The following SRSF12 variants were observed in gnomAD, a reference collection of about 807,000 sequenced individuals.
SRSF12 encodes serine and arginine rich splicing factor 12.
A neutral mutation model predicts 34.1 loss-of-function variants in SRSF12; 21 were observed. The observed-to-expected ratio is 0.62, with a 90% CI of 0.44 to 0.89. The LOEUF (loss-of-function observed/expected upper bound fraction) is 0.89, where lower values mean the gene tolerates loss of function less well. Ranked by LOEUF, SRSF12 falls within the 40% of genes least tolerant of loss-of-function variation. The probability of loss-of-function intolerance (pLI) is 0.00; values close to 1 mark genes in which losing one functional copy is unlikely to be tolerated. For synonymous variants in SRSF12, 111 were observed against 110.8 expected (o/e 1.00, Z -0.01); for missense variants, 278 against 327.8 (o/e 0.85, Z 1.17).
At chr6:89,110,258 A>C (rs979252289) in intron 1 of SRSF12, among the ~76,000 whole-genome samples, 3 of 152,200 alleles carry the variant, frequency 2.0e-5, no homozygotes, top group African/African-American at 7.2e-5. Context: ...AGCAATGAAA[A>C]AATGAAGCAA....
rs1168205798 is a variant in SRSF12 at position 89,097,741 on chromosome 6, A to C, written c.*837T>G. 1 of 152,244 alleles carries C rather than the reference A, an allele frequency of 6.6e-6. No homozygotes were observed. Among genetic ancestry groups the C allele is most frequent in the Non-Finnish European group, 1.5e-5 (1 of 68,038 alleles). The allele number at this position is 152,244 out of a possible 1,614,324, so 9.4% of individuals were successfully genotyped here. ...GTTGAGCAAGAACTCTAAAAAGAAAAAATTAAGCAACAGATGAAAAGTAGG... is the reference window on the plus strand; with the variant it reads ...GTTGAGCAAGAACTCTAAAAAGAAACAATTAAGCAACAGATGAAAAGTAGG... On this transcript the variant is annotated 3_prime_UTR_variant, in exon 5 of 5. Transcript: ENST00000452027.
At chr6:89,102,710 A>C (rs2127991275) in intron 4 of SRSF12, among the ~76,000 whole-genome samples, 1 of 152,302 alleles carries the variant, frequency 6.6e-6, no homozygotes, top group South Asian at 2.1e-4. Context: ...ATATAAAGTT[A>C]ACAAAGATTT....
chr6:89,100,885 A>C (rs1437443339), intron 4 of SRSF12, among the ~76,000 whole-genome samples: 1 of 152,154 alleles, frequency 6.6e-6, no homozygotes, highest in African/African-American at 2.4e-5. Flanking sequence ...CGAGTGGATC[A>C]CCTGAGGTCA....
chr6:89,111,579 T>C (rs1025967155), intron 1 of SRSF12, among the ~76,000 whole-genome samples: 2 of 152,202 alleles, frequency 1.3e-5, no homozygotes, highest in African/African-American at 4.8e-5. Flanking sequence ...TGTAAGCAAA[T>C]ATGTCACCTA....
At chr6:89,099,787 G>C (rs752946975) in intron 4 of SRSF12, among the ~76,000 whole-genome samples, 1 of 151,846 alleles carries the variant, frequency 6.6e-6, no homozygotes, top group African/African-American at 2.4e-5. Flanking sequence ...CCCCTGCCTC[G>C]GCCTCCTAAA....
intron 1 of SRSF12, among the ~76,000 whole-genome samples, chr6:89,109,039 A>G (rs1768922713): frequency 6.6e-6 from 1 of 152,124 alleles, no homozygotes; most frequent in Non-Finnish European, 1.5e-5. Flanking sequence ...ATACTTATTG[A>G]GCACCTACCA....
chr6:89,117,287 T>C (rs1198522578), intron 1 of SRSF12, among the ~76,000 whole-genome samples: 1 of 152,180 alleles, frequency 6.6e-6, no homozygotes, highest in Non-Finnish European at 1.5e-5. Context: ...ATTGTGTGAA[T>C]AAAATGCAAG....
At chr6:89,113,176 A>C (rs978450260) in intron 1 of SRSF12, among the ~76,000 whole-genome samples, 1 of 151,854 alleles carries the variant, frequency 6.6e-6, no homozygotes, top group Non-Finnish European at 1.5e-5. Flanking sequence ...TTTTATCCCA[A>C]TGATTTATTT....
chr6:89,116,632 G>C (rs185366863), intron 1 of SRSF12, among the ~76,000 whole-genome samples: 1 of 151,950 alleles, frequency 6.6e-6, no homozygotes, highest in Non-Finnish European at 1.5e-5. Context: ...AAAATTAGCC[G>C]GGTGTGGTGG....
intron 1 of SRSF12, among the ~76,000 whole-genome samples, chr6:89,110,512 G>C (rs1278867868): frequency 1.3e-5 from 2 of 152,192 alleles, no homozygotes; most frequent in Non-Finnish European, 2.9e-5. Context: ...CTTGGCCTGG[G>C]ACCAGTCTGA....
chr6:89,105,465 C>T lies in SRSF12; in HGVS notation c.236G>A (p.Arg79His), dbSNP rs755198433. ...TTGTGCAAACTGTATTTCAATCTGA[C>T]GGCCACATACCCACTTTCTATTGAG... ...YNLNRKWVCG[R>H]QIEIQFAQGD... The change falls in exon 3 of 5, where the codon CGT (arginine) becomes CAT (histidine). Residue 79 changes from arginine (R) to histidine (H), a missense_variant. Transcript: ENST00000452027. 9.3e-6 allele frequency: 15 copies of T among 1,610,732 alleles called. No homozygotes were observed. Among genetic ancestry groups the T allele is most frequent in the African/African-American group, 2.7e-5 (2 of 74,754 alleles).
chr6:89,108,902 T>C (rs1183830013), intron 1 of SRSF12, among the ~76,000 whole-genome samples: 1 of 152,244 alleles, frequency 6.6e-6, no homozygotes, highest in Admixed American at 6.5e-5. Flanking sequence ...CATCTACTTT[T>C]TGCCAGTAGC....
intron 2 of SRSF12, chr6:89,106,946 TG>T (rs1562201103): frequency 3.3e-6 from 2 of 607,788 alleles, no homozygotes; most frequent in Non-Finnish European, 6.1e-6. Context: ...TCTCGCCTGC[TG>T]GGTTTATGCT....
chr6:89,118,023 G>T lies in SRSF12; in HGVS notation c.-136C>A. The T allele has an allele frequency of 1.1e-6, 1 of 887,520 alleles. No individual in the cohort carries two copies. The highest frequency in any genetic ancestry group is 1.6e-6 in the Non-Finnish European group (1 of 626,200). The allele number at this position is 887,520 out of a possible 1,614,324, so 55.0% of individuals were successfully genotyped here. On this transcript the variant is annotated 5_prime_UTR_variant, in exon 1 of 5. Transcript: ENST00000452027. ...ACCCCTCGGCCTCAGCCCCGCCAGC[G>T]CGCAGCCGCAGAGGCCGGCGCAGAG...
rs1219866937 is a variant in SRSF12 at position 89,107,350 on chromosome 6, G to A, written c.66-92C>T. On this transcript the variant is annotated intron_variant, in intron 1 of 4. Coordinates refer to ENST00000452027, the MANE Select transcript of SRSF12 (RefSeq NM_080743.5). ...ATCCACTTGAAACCTTCAAAAGAAA[G>A]AACATCATCTAGACCAGCATTATCT... 9 of 896,624 alleles carry A rather than the reference G, an allele frequency of 1.0e-5. No individual in the cohort carries two copies. In the African/African-American group the frequency reaches 1.2e-4, roughly 12 times the overall value. The allele number at this position is 896,624 out of a possible 1,614,324, so 55.5% of individuals were successfully genotyped here.
At position 89,097,018 on chromosome 6, in the gene SRSF12, G is replaced by C. The variant is rs1372504172; in HGVS notation, c.*1560C>G. 1 of 152,096 alleles carries C rather than the reference G, an allele frequency of 6.6e-6. No individual in the cohort carries two copies. Among genetic ancestry groups the C allele is most frequent in the Non-Finnish European group, 1.5e-5 (1 of 68,034 alleles). The allele number at this position is 152,096 out of a possible 1,614,324, so 9.4% of individuals were successfully genotyped here. A position where few individuals can be genotyped will look rare whatever the true frequency, so the allele number is the denominator to read the frequency against. On this transcript the variant is annotated 3_prime_UTR_variant, in exon 5 of 5. Coordinates refer to ENST00000452027, the MANE Select transcript of SRSF12 (RefSeq NM_080743.5). The stretch of plus-strand genomic sequence containing the variant: ...TGATTAGAGAAAATCTATTCAGAAA[G>C]TACAATATACATTAATTTATGGCAC...
intron 1 of SRSF12, among the ~76,000 whole-genome samples, chr6:89,114,387 C>T (rs990122218): frequency 6.6e-6 from 1 of 152,194 alleles, no homozygotes; most frequent in South Asian, 2.1e-4. Flanking sequence ...GAGATCGTGC[C>T]ACTGCACTCC....
intron 4 of SRSF12, among the ~76,000 whole-genome samples, chr6:89,101,995 G>A (rs768792200): frequency 2.7e-5 from 4 of 150,832 alleles, no homozygotes; most frequent in East Asian, 1.9e-4. Flanking sequence ...GGTACTTCTC[G>A]GTGAGCTGAA....
rs1422384545 is a variant in SRSF12, at chr6:89,096,200, C to T, written c.*2378G>A. Reference sequence around the variant, plus strand: ...AAACATGATTTTAATAAAGCATATACCTGTCAAAGACTTCTCTTTGCAAAA... The same window carrying T: ...AAACATGATTTTAATAAAGCATATATCTGTCAAAGACTTCTCTTTGCAAAA... On this transcript the variant is annotated 3_prime_UTR_variant, in exon 5 of 5. Transcript: ENST00000452027. The T allele has an allele frequency of 6.6e-6, 1 of 152,148 alleles. No homozygotes were observed. Among genetic ancestry groups the T allele is most frequent in the African/African-American group, 2.4e-5 (1 of 41,424 alleles). 9.4% of individuals were successfully genotyped at this position (152,148 alleles called of 1,614,324 possible).
Sources: gnomAD v4.1 joint callset for allele counts (sites outside exome capture counted in the v4.1 genomes callset) on GRCh38, gnomAD v4.1.1 for gene constraint, MANE v1.5 for transcripts, NCBI Gene and HGNC (gene_info 2026-07-23, HGNC 2026-07-21) for gene names.